Variants in ANKS3 observed in about 807,000 individuals in gnomAD.
ANKS3 encodes ankyrin repeat and SAM domain-containing protein 3.
In ANKS3, 62 loss-of-function variants were observed where a neutral mutation model predicts 80.7. That is an observed-to-expected ratio of 0.77 (90% CI 0.63 to 0.95). The LOEUF (loss-of-function observed/expected upper bound fraction) is 0.95, where lower values mean the gene tolerates loss of function less well. Among genes scored for constraint, ANKS3 ranks in the 40% least tolerant of loss-of-function variants. The pLI is 0.00. For synonymous variants in ANKS3, 489 were observed against 355.3 expected, an observed-to-expected ratio of 1.38 and a Z score of -4.23; for missense variants, 1,150 against 883.6, an observed-to-expected ratio of 1.30 and a Z score of -3.82.
rs1356244572 is a variant in ANKS3 at position 4,727,103 on chromosome 16, T to C, written c.245A>G (p.Asp82Gly). Residue 82 changes from aspartate to glycine, a missense_variant, in exon 4 of 18, where the codon GAC becomes GGC. Asp to Gly is a moderately conservative substitution (Grantham distance 94). Coordinates refer to ENST00000304283, the MANE Select transcript of ANKS3 (RefSeq NM_133450.4). ...CTCAAGCAGCAGGTGCACGATTGTG[T>C]CGTGGCCAATGTAGGAGGCATACAT... The part of the protein sequence containing the change: ...PLMYASYIGH[D>G]TIVHLLLEAG... 1 of 1,614,190 alleles carries C rather than the reference T, an allele frequency of 6.2e-7. No homozygotes were observed. The highest frequency in any genetic ancestry group is 1.1e-5 in the South Asian group (1 of 91,084).
At chr16:4,704,702 A>C (rs2142047595) in intron 8 of ANKS3, among the ~76,000 whole-genome samples, 1 of 152,332 alleles carries the variant, frequency 6.6e-6, no homozygotes, top group East Asian at 1.9e-4. Flanking sequence ...TGCCCCCAGC[A>C]GCGCACCCGA....
chr16:4,716,752 TA>T (rs2080821821), intron 6 of ANKS3, among the ~76,000 whole-genome samples: 1 of 149,976 alleles, frequency 6.7e-6, no homozygotes, highest in Admixed American at 6.7e-5. Flanking sequence ...CCGTCTCTAC[TA>T]AAAAATACAA....
Position 4,697,064 on chromosome 16 carries a change from C to G in ANKS3, c.1935G>C (p.Leu645=). 1.2e-6 allele frequency: 2 copies of G among 1,613,902 alleles called. No individual in the cohort carries two copies. The highest frequency in any genetic ancestry group is 1.7e-4 in the Middle Eastern group (1 of 6,060). ...LCLVTQSLEK[L]QVLNGKKWRE... is the part of the protein sequence containing the mutation. Reference sequence around the variant, plus strand: ...GCCACTTCTTCCCGTTCAGCACCTGCAGCTTCTCCAGGCTCTGGGTCACTA... The same window carrying G: ...GCCACTTCTTCCCGTTCAGCACCTGGAGCTTCTCCAGGCTCTGGGTCACTA... Residue 645 remains leucine, a synonymous_variant, in exon 17 of 18, where the codon CTG becomes CTC. Transcript: ENST00000304283.
In ANKS3 at chr16:4,734,132, G is replaced by C; in HGVS notation, c.-265C>G. On this transcript the variant is annotated 5_prime_UTR_variant, in exon 1 of 18. Transcript: ENST00000304283. ...GGGCTGCAGGTGCCGGCAAGTGCTG[G>C]GGCCGGGCCGCCGCGGAACCCACCT... 1.3e-5 allele frequency: 9 copies of C among 684,760 alleles called. No homozygotes were observed. The highest frequency in any genetic ancestry group is 1.6e-5 in the Non-Finnish European group (9 of 555,192). 42.4% of individuals were successfully genotyped at this position (684,760 alleles called of 1,614,324 possible). A position where few individuals can be genotyped will look rare whatever the true frequency, so the allele number is the denominator to read the frequency against.
rs1242797999 is a variant in ANKS3, at chr16:4,724,824, T to C, written c.499A>G (p.Ile167Val). 13 of 1,613,992 alleles carry C rather than the reference T, an allele frequency of 8.1e-6. No individual in the cohort carries two copies. Among genetic ancestry groups the C allele is most frequent in the Non-Finnish European group, 1.1e-5 (13 of 1,179,972 alleles). ...SGANANVREP[I>V]CGFTPLMEAA... ...TCCATCAAGGGAGTAAATCCACATA[T>C]CGGCTCCCTGCAAGATGTGGGCCAC... The change falls in exon 6 of 18, where the codon ATA becomes GTA. Residue 167 changes from isoleucine to valine, a missense_variant. Transcript: ENST00000304283.
At chr16:4,720,671 T>C (rs2081043134) in intron 6 of ANKS3, among the ~76,000 whole-genome samples, 1 of 151,434 alleles carries the variant, frequency 6.6e-6, no homozygotes, top group African/African-American at 2.4e-5. Flanking sequence ...CCAGGCGCAG[T>C]GGCTCATGCC....
intron 7 of ANKS3, among the ~76,000 whole-genome samples, chr16:4,709,198 G>T (rs1052458008): frequency 6.6e-6 from 1 of 151,838 alleles, no homozygotes; most frequent in African/African-American, 2.4e-5. Flanking sequence ...CCTTATGTCG[G>T]GAGTTCGAGA....
At chr16:4,731,669 TAGAA>T (rs1434802974) in intron 1 of ANKS3, 90 bp from the exon 2 acceptor site, 1 of 712,874 alleles carries the variant, frequency 1.4e-6, no homozygotes, top group Non-Finnish European at 1.7e-6. Context: ...CTGAAAAAAA[TAGAA>T]AGCAATTCCC....
chr16:4,701,264 T>C (rs2079885941), intron 10 of ANKS3, 130 bp from the exon 11 acceptor site: 3 of 1,463,176 alleles, frequency 2.1e-6, no homozygotes, highest in Non-Finnish European at 1.9e-6. Context: ...GGGCTTCCGG[T>C]GCGTTCGCTG....
chr16:4,722,185 T>A (rs2081136776), intron 6 of ANKS3, among the ~76,000 whole-genome samples: 1 of 151,386 alleles, frequency 6.6e-6, no homozygotes, highest in Non-Finnish European at 1.5e-5. Flanking sequence ...AGAGATACCA[T>A]GTGAATTTTT....
chr16:4,699,701 C>T (rs530815535), intron 11 of ANKS3: 13 of 161,346 alleles, frequency 8.1e-5, no homozygotes, highest in South Asian at 3.4e-4. Context: ...GGGGTGGTGT[C>T]GGTGTGCTTG....
In ANKS3 at chr16:4,698,471, C is replaced by G. The variant is rs779663025; in HGVS notation, c.1680G>C (p.Thr560=). ...REDLQARLRE[T]WALARDAALV... ...GGGCAGCATCCCGGGCCAGGGCCCA[C>G]GTCTCCCGCAGCCGGGCCTGGAGGT... The change falls in exon 14 of 18, where the codon ACG becomes ACC. Residue 560 remains threonine, a synonymous_variant. Transcript: ENST00000304283. 2.0e-5 allele frequency: 31 copies of G among 1,546,856 alleles called. No homozygotes were observed. Among genetic ancestry groups the G allele is most frequent in the African/African-American group, 2.7e-5 (2 of 73,540 alleles).
intron 15 of ANKS3, 107 bp from the exon 16 acceptor site, chr16:4,697,523 C>T (rs1182315259): frequency 2.2e-6 from 2 of 905,568 alleles, no homozygotes; most frequent in South Asian, 1.8e-5. Flanking sequence ...ATCAGAACCT[C>T]CCTACCCGCC....
chr16:4,714,201 GA>G lies in ANKS3; in HGVS notation c.574-16del. 1 of 1,613,668 alleles carries G rather than the reference GA, an allele frequency of 6.2e-7. No individual in the cohort carries two copies. The highest frequency in any genetic ancestry group is 8.5e-7 in the Non-Finnish European group (1 of 1,179,796). On this transcript the variant is annotated splice_polypyrimidine_tract_variant and intron_variant, in intron 6 of 17. Transcript: ENST00000304283. ...ACCTTGACTCCCTGTGAATGTCCGT[GA>G]AAGGGGGTTAGGGGCCTCTCCTTCA...
Position 4,717,274 on chromosome 16 carries a change from C to T in ANKS3, c.574-3088G>A, listed in dbSNP as rs186871409. Among the ~76,000 whole-genome samples the T allele has an allele frequency of 6.4e-4, 97 of 152,052 alleles. 2 individuals are homozygous for T. The highest frequency in any genetic ancestry group is 1.2e-4 in the Non-Finnish European group (8 of 68,006). On this transcript the variant is annotated intron_variant, in intron 6 of 17. Coordinates refer to ENST00000304283, the MANE Select transcript of ANKS3 (RefSeq NM_133450.4). ...AATAAAAAATAATTTCTTGGCTGGG[C>T]ACAGAGGCTCACACCTGTAATCCCA...
chr16:4,706,478 G>T (rs146919623), intron 7 of ANKS3, among the ~76,000 whole-genome samples: 1 of 152,056 alleles, frequency 6.6e-6, no homozygotes, highest in Non-Finnish European at 1.5e-5. Context: ...CTTGTGATCC[G>T]CCCACCTTGG....
In ANKS3 at chr16:4,724,770, C is replaced by T. The variant is rs1041046439; in HGVS notation, c.553G>A (p.Val185Met). 6.2e-6 allele frequency: 10 copies of T among 1,613,868 alleles called. No individual in the cohort carries two copies. Among genetic ancestry groups the T allele is most frequent in the Admixed American group, 1.7e-5 (1 of 59,966 alleles). Residue 185 changes from valine to methionine, a missense_variant, in exon 6 of 18, where the codon GTG becomes ATG. By Grantham distance (21) the Val-to-Met change is conservative. Transcript: ENST00000304283. ...EAAAAGHEII[V>M]QYFLNHGVKV... ...CTTACGTGATTCAGAAAATACTGCA[C>T]GATTATCTCATGGCCAGCAGCAGCT...
At chr16:4,729,912 A>G in intron 3 of ANKS3, 68 bp downstream of exon 3, 1 of 1,361,274 alleles carries the variant, frequency 7.3e-7, no homozygotes, top group Non-Finnish European at 9.6e-7. Context: ...GCAAAGCCCC[A>G]TCACGTGGGA....
intron 7 of ANKS3, among the ~76,000 whole-genome samples, chr16:4,707,490 T>C (rs2080261689): frequency 6.6e-6 from 1 of 152,010 alleles, no homozygotes; most frequent in African/African-American, 2.4e-5. Flanking sequence ...CCATGTAGGC[T>C]GGACTGGTCT....
Sources: allele counts gnomAD v4.1 joint callset (sites outside exome capture counted in the v4.1 genomes callset), GRCh38; gene constraint gnomAD v4.1.1; transcripts MANE v1.5; gene names NCBI Gene and HGNC (gene_info 2026-07-23, HGNC 2026-07-21).